Variants in MIDEAS observed in about 807,000 individuals in gnomAD.
The protein encoded by MIDEAS is mitotic deacetylase associated SANT domain protein.
MIDEAS carries 26 observed loss-of-function variants against 102.7 expected under a neutral mutation model. That is an observed-to-expected ratio of 0.25 (90% confidence interval 0.19 to 0.35). The LOEUF (loss-of-function observed/expected upper bound fraction) is 0.35, where lower values mean the gene tolerates loss of function less well. Ranked by LOEUF, MIDEAS falls within the 10% of genes least tolerant of loss-of-function variation. MIDEAS has a pLI of 1.00. For missense variants in MIDEAS, 1,231 were observed against 1,435.6 expected (o/e 0.86, Z 2.30); for synonymous variants, 585 against 591.0 (o/e 0.99, Z 0.15).
Position 73,725,780 on chromosome 14 carries a change from C to T in MIDEAS, c.2485+253G>A, listed in dbSNP as rs1284841207. 6.6e-6 allele frequency among the ~76,000 whole-genome samples: 1 copy of T among 152,158 alleles called. No individual in the cohort carries two copies. The highest frequency in any genetic ancestry group is 1.5e-5 in the Non-Finnish European group (1 of 68,034). On this transcript the variant is annotated intron_variant, in intron 8 of 12. Coordinates refer to ENST00000423556, the MANE Select transcript of MIDEAS (RefSeq NM_001367710.1). This position sits in a 1 kb window ranked among gnomAD's most constrained non-coding sequence, Gnocchi z 4.1. ...TGGATGGCTCTCCATGGGTTCCTGT[C>T]CTTGTGGCCTGGGCTTTTTTGCCTG... is the stretch of plus-strand genomic sequence containing the variant.
chr14:73,779,754 T>A (rs2053732830), intron 1 of MIDEAS, among the ~76,000 whole-genome samples: 1 of 142,332 alleles, frequency 7.0e-6, no homozygotes, highest in South Asian at 2.3e-4. Context: ...ATTTTTTGTA[T>A]TTTTAGTAGA....
intron 1 of MIDEAS, among the ~76,000 whole-genome samples, chr14:73,746,254 G>GGGTGGGGGA (rs1245805894): frequency 6.6e-6 from 1 of 152,220 alleles, no homozygotes; most frequent in Middle Eastern, 3.2e-3. Context: ...GTTTTGCCAG[G>GGGTGGGGGA]GGTGGGGGAG....
At chr14:73,727,566 C>G (rs1031002560) in intron 4 of MIDEAS, 42 bp from the exon 5 acceptor site, 4 of 1,552,192 alleles carry the variant, frequency 2.6e-6, no homozygotes, top group Non-Finnish European at 2.6e-6. Flanking sequence ...ACCCCCCTTT[C>G]AGCAAAGCAC....
At chr14:73,754,731 AG>A (rs1421235246) in intron 1 of MIDEAS, among the ~76,000 whole-genome samples, 2 of 152,216 alleles carry the variant, frequency 1.3e-5, no homozygotes, top group East Asian at 3.9e-4. Context: ...GATCTGTGCC[AG>A]GAACTGCCAG....
chr14:73,728,020 GT>G (rs929686507), intron 4 of MIDEAS: 11 of 149,344 alleles, frequency 7.4e-5, no homozygotes, highest in African/African-American at 1.5e-4. Flanking sequence ...TCCCAAGCTA[GT>G]TTTTTTTTTG....
chr14:73,728,136 G>A (rs969505787), intron 4 of MIDEAS: 1 of 150,758 alleles, frequency 6.6e-6, no homozygotes, highest in Admixed American at 6.6e-5. Context: ...GAACCTCCAA[G>A]TTCAAGCAAT....
chr14:73,729,458 G>A (rs144246843), intron 4 of MIDEAS, among the ~76,000 whole-genome samples, 182 bp downstream of exon 4: 412 of 152,230 alleles, frequency 2.7e-3, no homozygotes, highest in African/African-American at 9.3e-3. Context: ...GCAGCTGGGC[G>A]GGCCCCCCAC....
chr14:73,771,653 C>T (rs765682001), intron 1 of MIDEAS, among the ~76,000 whole-genome samples: 1 of 152,228 alleles, frequency 6.6e-6, no homozygotes, highest in African/African-American at 2.4e-5. Context: ...AGCTGCTCAG[C>T]GCCACACCCA....
At chr14:73,763,968 C>T (rs572079834), upstream of MIDEAS, among the ~76,000 whole-genome samples, 6 of 152,272 alleles carry the variant, frequency 3.9e-5, no homozygotes, top group Non-Finnish European at 7.4e-5. Context: ...ATGCTATGTA[C>T]ATATAAGAGG....
At position 73,729,987 on chromosome 14, in the gene MIDEAS, T is replaced by C; in HGVS notation, c.1750-2A>G. 1 of 1,603,262 alleles carries C rather than the reference T, an allele frequency of 6.2e-7. No individual in the cohort carries two copies. The highest frequency in any genetic ancestry group is 8.5e-7 in the Non-Finnish European group (1 of 1,172,904). ...CAACTTGACATTCATGTCCTCTGCCTGGAGAAGGAAAGAAAACAAGGACGG... is the reference window on the plus strand; with the variant it reads ...CAACTTGACATTCATGTCCTCTGCCCGGAGAAGGAAAGAAAACAAGGACGG... On this transcript the variant is annotated splice_acceptor_variant, in intron 3 of 12. Transcript: ENST00000423556. LOFTEE classifies it high-confidence loss of function.
chr14:73,727,074 C>A (rs929847685), intron 5 of MIDEAS, 102 bp from the exon 6 acceptor site: 2 of 1,425,278 alleles, frequency 1.4e-6, no homozygotes, highest in Non-Finnish European at 1.9e-6. Flanking sequence ...GCCGGCAGAG[C>A]AAGGCCTCAG....
chr14:73,761,022 C>T (rs1300498950), upstream of MIDEAS, among the ~76,000 whole-genome samples: 2 of 152,150 alleles, frequency 1.3e-5, no homozygotes, highest in Non-Finnish European at 2.9e-5. Context: ...GGCTCTAGGG[C>T]CAGGGGAAAG....
intron 11 of MIDEAS, among the ~76,000 whole-genome samples, chr14:73,719,999 A>C (rs1485154252): frequency 1.3e-5 from 2 of 151,902 alleles, no homozygotes; most frequent in African/African-American, 4.8e-5. Flanking sequence ...AAACAGGGCA[A>C]GGGCAGGGGT....
upstream of MIDEAS, chr14:73,789,089 GC>G (rs1417659605): frequency 2.0e-5 from 3 of 152,180 alleles, no homozygotes; most frequent in Non-Finnish European, 2.9e-5. Context: ...TCTAAGATGC[GC>G]CCCCTGCCAA....
At chr14:73,732,837 T>G (rs2053156691) in intron 3 of MIDEAS, among the ~76,000 whole-genome samples, 1 of 131,208 alleles carries the variant, frequency 7.6e-6, no homozygotes, top group Non-Finnish European at 1.6e-5. Flanking sequence ...ACGCCTATAA[T>G]CCCAGCACTT....
At position 73,715,839 on chromosome 14, in the gene MIDEAS, G is replaced by A. The variant is rs2052878150; in HGVS notation, c.*3004C>T. Reference sequence around the variant, plus strand: ...TAGACATAAGCAGCAGAAGACCTTGGTGCCAGGGGTGGAGGCGCGGCAGAA... The same window carrying A: ...TAGACATAAGCAGCAGAAGACCTTGATGCCAGGGGTGGAGGCGCGGCAGAA... On this transcript the variant is annotated 3_prime_UTR_variant, in exon 13 of 13. Coordinates refer to ENST00000423556, the MANE Select transcript of MIDEAS (RefSeq NM_001367710.1). 1 of 152,564 alleles carries A rather than the reference G, an allele frequency of 6.6e-6. No homozygotes were observed. The allele number at this position is 152,564 out of a possible 1,614,324, so 9.5% of individuals were successfully genotyped here.
At chr14:73,733,886 G>A (rs1029689218) in intron 3 of MIDEAS, among the ~76,000 whole-genome samples, 3 of 151,934 alleles carry the variant, frequency 2.0e-5, no homozygotes, top group African/African-American at 7.3e-5. Flanking sequence ...GTAGAGACGG[G>A]GTTTCACTAT....
At chr14:73,726,129 G>GGGTCA in intron 7 of MIDEAS, 21 bp from the exon 8 acceptor site, 1 of 1,573,314 alleles carries the variant, frequency 6.4e-7, no homozygotes, top group Non-Finnish European at 8.6e-7. Context: ...AGTGAGGGAA[G>GGGTCA]GGTCAGGGCA....
At chr14:73,778,299 G>A (rs1235985859) in intron 1 of MIDEAS, among the ~76,000 whole-genome samples, 2 of 151,476 alleles carry the variant, frequency 1.3e-5, no homozygotes, top group Non-Finnish European at 2.9e-5. Context: ...GGAGGCGGAG[G>A]TTGCAGTGAG....
Sources: allele counts gnomAD v4.1 joint callset (sites outside exome capture counted in the v4.1 genomes callset), GRCh38; gene constraint gnomAD v4.1.1; non-coding constraint Gnocchi (gnomAD v3.1); transcripts MANE v1.5; gene names NCBI Gene and HGNC (gene_info 2026-07-23, HGNC 2026-07-21).